The following HCFC2 variants were observed in gnomAD, a reference collection of about 807,000 sequenced individuals.
HCFC2 encodes the protein host cell factor C2.
HCFC2 carries 18 observed loss-of-function variants against 89.2 expected under a neutral mutation model. The ratio of observed to expected loss-of-function variants is 0.20; its 90% CI spans 0.14 to 0.30. The LOEUF is 0.30. Among genes scored for constraint, HCFC2 ranks in the 10% least tolerant of loss-of-function variants. HCFC2 has a pLI of 1.00. For missense variants in HCFC2, 578 were observed against 956.1 expected (o/e 0.60, Z 5.21); for synonymous variants, 308 against 335.7 (o/e 0.92, Z 0.90).
Position 104,103,507 on chromosome 12 carries a change from A to C in HCFC2, c.*234A>C. ...TTCCTTACAGATATAGCTCTTTTAT[A>C]AAGAAAAACAGTGAAATTAAGATAA... is the stretch of plus-strand genomic sequence containing the variant. On this transcript the variant is annotated 3_prime_UTR_variant, in exon 15 of 15. Coordinates refer to ENST00000229330, the MANE Select transcript of HCFC2 (RefSeq NM_013320.3). The C allele has an allele frequency of 2.2e-6, 1 of 455,852 alleles. No individual in the cohort carries two copies. The highest frequency in any genetic ancestry group is 3.9e-6 in the Non-Finnish European group (1 of 257,536). 28.2% of individuals were successfully genotyped at this position (455,852 alleles called of 1,614,324 possible). A position where few individuals can be genotyped will look rare whatever the true frequency, so the allele number is the denominator to read the frequency against.
chr12:104,065,411 G>A (rs1883067201), intron 1 of HCFC2, among the ~76,000 whole-genome samples: 2 of 152,244 alleles, frequency 1.3e-5, no homozygotes, highest in Admixed American at 6.5e-5. Flanking sequence ...GAGGACCTCT[G>A]TGGAATAGAA....
In HCFC2 at chr12:104,082,795, T is replaced by G; in HGVS notation, c.957T>G (p.Cys319Trp). The stretch of plus-strand genomic sequence containing the variant: ...GACCAAGACCAAGAGCTGGCCACTG[T>G]GCTGTTGCAATCGGCACTCGATTGT... ...NSRPRPRAGH[C>W]AVAIGTRLYF... The change falls in exon 7 of 15, where the codon TGT becomes TGG. Residue 319 changes from cysteine to tryptophan, a missense_variant. Cys to Trp is a radical substitution (Grantham distance 215). This residue lies in a region of HCFC2 where 206 missense variants were observed against 419.2 expected (regional missense o/e 0.49). Transcript: ENST00000229330. 6.2e-7 allele frequency: 1 copy of G among 1,614,036 alleles called. No individual in the cohort carries two copies. Among genetic ancestry groups the G allele is most frequent in the Non-Finnish European group, 8.5e-7 (1 of 1,179,924 alleles).
intron 10 of HCFC2, among the ~76,000 whole-genome samples, chr12:104,094,082 C>T (rs1044530946): frequency 2.6e-5 from 4 of 152,064 alleles, no homozygotes; most frequent in Admixed American, 1.3e-4. Context: ...TAATGATACT[C>T]TTCACCAAAA....
At chr12:104,084,672 G>C (rs186308168) in intron 7 of HCFC2, among the ~76,000 whole-genome samples, 6 of 152,278 alleles carry the variant, frequency 3.9e-5, no homozygotes, top group African/African-American at 1.2e-4. Flanking sequence ...ATTTTGGAAT[G>C]GTCACTGGCA....
At chr12:104,091,417 T>G (rs1202116391) in intron 9 of HCFC2, among the ~76,000 whole-genome samples, 2 of 152,222 alleles carry the variant, frequency 1.3e-5, no homozygotes, top group African/African-American at 4.8e-5. Context: ...ACTTTCCACT[T>G]AGGAGAAGGC....
At chr12:104,079,700 TG>T in intron 4 of HCFC2, 47 bp downstream of exon 4, 1 of 1,418,054 alleles carries the variant, frequency 7.1e-7, no homozygotes. Flanking sequence ...AATTAAAAAA[TG>T]CTTTGAAAAA....
At chr12:104,072,549 T>G (rs1883352284) in intron 3 of HCFC2, among the ~76,000 whole-genome samples, 1 of 152,160 alleles carries the variant, frequency 6.6e-6, no homozygotes, top group African/African-American at 2.4e-5. Context: ...CTCAGCAATA[T>G]TTTGTAGTTT....
chr12:104,098,440 A>G lies in HCFC2; in HGVS notation c.1838A>G (p.Gln613Arg). 6.2e-7 allele frequency: 1 copy of G among 1,610,766 alleles called. No homozygotes were observed. Among genetic ancestry groups the G allele is most frequent in the South Asian group, 1.1e-5 (1 of 90,324 alleles). ...AAAAATAATACAGCTTTGGTGAGCC[A>G]GTTTTATTTGCTGCCAAAAGGGAAG... ...IFKNNTALVS[Q>R]FYLLPKGKQS... The change falls in exon 13 of 15, where the codon CAG (glutamine) becomes CGG (arginine). Residue 613 changes from glutamine to arginine, a missense_variant. By Grantham distance (43) the Gln-to-Arg change is conservative. Coordinates refer to ENST00000229330, the MANE Select transcript of HCFC2 (RefSeq NM_013320.3).
At chr12:104,080,392 G>A (rs61939180) in intron 4 of HCFC2, 25,343 of 183,942 alleles carry the variant, frequency 0.14, 2,116 homozygotes, top group Admixed American at 0.21. Flanking sequence ...ACCTAATACA[G>A]TGTAAATACT....
At chr12:104,074,503 C>T (rs1025670659) in intron 3 of HCFC2, among the ~76,000 whole-genome samples, 4 of 152,100 alleles carry the variant, frequency 2.6e-5, no homozygotes, top group African/African-American at 9.7e-5. Flanking sequence ...ATTTTTCTCT[C>T]TTTTGAAAAA....
intron 13 of HCFC2, among the ~76,000 whole-genome samples, chr12:104,101,410 G>A (rs1442654712): frequency 2.6e-5 from 4 of 151,884 alleles, no homozygotes; most frequent in African/African-American, 4.8e-5. Context: ...GCTTGAACCC[G>A]GGAAGCGGAG....
chr12:104,075,366 T>G lies in HCFC2; in HGVS notation c.474-4079T>G, dbSNP rs1883460128. Among the ~76,000 whole-genome samples the G allele has an allele frequency of 2.0e-5, 3 of 152,058 alleles. No homozygotes were observed. The South Asian group carries it at 6.2e-4, about 31-fold the overall frequency. On this transcript the variant is annotated intron_variant, in intron 3 of 14. Coordinates refer to ENST00000229330, the MANE Select transcript of HCFC2 (RefSeq NM_013320.3). ...ATTTTATTTATTTCAAAGAGCCATTTTTTAGTTTTATTGACTGTCTGTTTT... is the reference window on the plus strand; with the variant it reads ...ATTTTATTTATTTCAAAGAGCCATTGTTTAGTTTTATTGACTGTCTGTTTT...
At chr12:104,080,042 C>T (rs965724287) in intron 4 of HCFC2, among the ~76,000 whole-genome samples, 7 of 152,186 alleles carry the variant, frequency 4.6e-5, no homozygotes, top group African/African-American at 9.6e-5. Context: ...CAATGTTATT[C>T]GTGGTCAGTA....
Position 104,066,329 on chromosome 12 carries a change from A to G in HCFC2, c.312+14A>G, listed in dbSNP as rs1304411376. The G allele has an allele frequency of 6.4e-7, 1 of 1,551,018 alleles. No individual in the cohort carries two copies. The highest frequency in any genetic ancestry group is 2.1e-5 in the Admixed American group (1 of 47,840). On this transcript the variant is annotated intron_variant, in intron 2 of 14. Transcript: ENST00000229330. ...TATGAGTTACAAGTAAGTGTATTTA[A>G]TATTGTTTCATTCTGAGGCTTTAAT...
intron 7 of HCFC2, among the ~76,000 whole-genome samples, chr12:104,084,335 G>C (rs544026435): frequency 6.6e-6 from 1 of 152,260 alleles, no homozygotes; most frequent in East Asian, 1.9e-4. Flanking sequence ...CTGCTTCAGG[G>C]TGGGTAGTCA....
At chr12:104,074,336 T>G (rs1883428745) in intron 3 of HCFC2, among the ~76,000 whole-genome samples, 2 of 152,148 alleles carry the variant, frequency 1.3e-5, no homozygotes, top group Non-Finnish European at 2.9e-5. Context: ...TTCTTTTTCT[T>G]TTTCATAGAG....
intron 9 of HCFC2, among the ~76,000 whole-genome samples, chr12:104,092,009 A>T (rs1427012299): frequency 6.6e-6 from 1 of 152,246 alleles, no homozygotes; most frequent in African/African-American, 2.4e-5. Context: ...ATGAGAAATT[A>T]TGAGCCAACA....
chr12:104,064,648 G>A lies in HCFC2; in HGVS notation c.88G>A (p.Ala30Thr). ...CGCCCGGCACGGACACCGAGCGGTG[G>A]CCATCCGGGAGCTGATGATCATCTT... is the stretch of plus-strand genomic sequence containing the variant. ...PRARHGHRAVAIRELMIIFGG... is the reference protein window; with the variant it reads ...PRARHGHRAVTIRELMIIFGG... Residue 30 changes from alanine to threonine, a missense_variant, in exon 1 of 15, where the codon GCC becomes ACC. This residue lies in a region of HCFC2 where 206 missense variants were observed against 419.2 expected (regional missense o/e 0.49). Transcript: ENST00000229330. This position sits in a 1 kb window ranked among gnomAD's most constrained non-coding sequence, Gnocchi z 7.3. 1 of 1,580,042 alleles carries A rather than the reference G, an allele frequency of 6.3e-7. No individual in the cohort carries two copies. The highest frequency in any genetic ancestry group is 8.6e-7 in the Non-Finnish European group (1 of 1,165,254).
In HCFC2 at chr12:104,064,722, GGGTA is replaced by G; in HGVS notation, c.163+2_163+5del. The G allele has an allele frequency of 6.4e-7, 1 of 1,552,538 alleles. No homozygotes were observed. Among genetic ancestry groups the G allele is most frequent in the Non-Finnish European group, 8.7e-7 (1 of 1,152,252 alleles). On this transcript the variant is annotated splice_donor_variant and splice_donor_region_variant and coding_sequence_variant and intron_variant, in exon 1 of 15. Transcript: ENST00000229330. LOFTEE classifies it high-confidence loss of function. This position sits in a 1 kb window ranked among gnomAD's most constrained non-coding sequence, Gnocchi z 7.3. ...CGGATGAGCTGCACGTCTACAACAC[GGGTA>G]GGCGCGGCGGCGGCTCGTCGGCCCC...
Sources: gnomAD v4.1 joint callset for allele counts (sites outside exome capture counted in the v4.1 genomes callset) on GRCh38, gnomAD v4.1.1 for gene constraint, gnomAD v4.1.1 regional missense constraint, Gnocchi (gnomAD v3.1) non-coding constraint, MANE v1.5 for transcripts, NCBI Gene and HGNC (gene_info 2026-07-23, HGNC 2026-07-21) for gene names.